GFRA2: variants seen among roughly 807,000 people sequenced by gnomAD.
The protein encoded by GFRA2 is GDNF family receptor alpha-2.
A neutral mutation model predicts 48.3 loss-of-function variants in GFRA2; 17 were observed. The observed-to-expected ratio is 0.35, with a 90% CI of 0.24 to 0.53. The LOEUF is 0.53. GFRA2 is among the 20% of genes least tolerant of loss of function. The pLI is 0.93. For synonymous variants in GFRA2, 305 were observed against 257.2 expected (o/e 1.19, Z -1.78); for missense variants, 660 against 637.3 (o/e 1.04, Z -0.38).
chr8:21,702,486 G>A (rs1301059535), intron 7 of GFRA2, among the ~76,000 whole-genome samples: 1 of 152,176 alleles, frequency 6.6e-6, no homozygotes, highest in Non-Finnish European at 1.5e-5. Context: ...GCCCCACTCA[G>A]ACGGGTGCCT....
intron 1 of GFRA2, among the ~76,000 whole-genome samples, chr8:21,807,561 C>G (rs1031207581): frequency 6.6e-6 from 1 of 152,194 alleles, no homozygotes; most frequent in Non-Finnish European, 1.5e-5. Flanking sequence ...GTTCTGGAGG[C>G]TGGAATTCTG....
chr8:21,786,998 A>C (rs1175420613), intron 1 of GFRA2, among the ~76,000 whole-genome samples: 4 of 151,674 alleles, frequency 2.6e-5, no homozygotes, highest in Non-Finnish European at 5.9e-5. Context: ...ACACACTCAC[A>C]CACACACACA....
intron 4 of GFRA2, among the ~76,000 whole-genome samples, chr8:21,728,112 G>A (rs1427144139): frequency 6.6e-6 from 1 of 152,012 alleles, no homozygotes; most frequent in African/African-American, 2.4e-5. Flanking sequence ...ACACAGCACT[G>A]ATTCCAGGTA....
chr8:21,783,092 A>G (rs1162264343), intron 1 of GFRA2, 193 bp from the exon 2 acceptor site: 2 of 705,766 alleles, frequency 2.8e-6, no homozygotes, highest in East Asian at 2.7e-5. Context: ...TGGATGTAGG[A>G]GCAAGTTTTC....
intron 3 of GFRA2, among the ~76,000 whole-genome samples, chr8:21,766,543 C>T (rs1437841093): frequency 6.6e-6 from 1 of 151,644 alleles, no homozygotes; most frequent in African/African-American, 2.4e-5. Context: ...AGTCGCAGGA[C>T]GCCCCAAACA....
intron 1 of GFRA2, chr8:21,783,263 G>A (rs1013661234): frequency 4.1e-4 from 170 of 411,926 alleles, no homozygotes; most frequent in Non-Finnish European, 1.8e-4. Flanking sequence ...ATGGCTTGCT[G>A]GGGGGTGCAG....
chr8:21,774,154 C>A (rs1563260657), intron 3 of GFRA2, among the ~76,000 whole-genome samples: 1 of 151,872 alleles, frequency 6.6e-6, no homozygotes, highest in African/African-American at 2.4e-5. Flanking sequence ...GCTCACCCCC[C>A]ACCCCCACAG....
intron 4 of GFRA2, among the ~76,000 whole-genome samples, chr8:21,744,466 G>C (rs1196742923): frequency 6.6e-6 from 1 of 151,972 alleles, no homozygotes; most frequent in Non-Finnish European, 1.5e-5. Context: ...GGGCATTTCA[G>C]AGGACCGCTT....
At chr8:21,763,307 G>A (rs1017570771) in intron 3 of GFRA2, among the ~76,000 whole-genome samples, 1 of 152,094 alleles carries the variant, frequency 6.6e-6, no homozygotes, top group African/African-American at 2.4e-5. Context: ...GCTCATGGAT[G>A]GCTGGGGGCC....
In GFRA2 at chr8:21,750,425, T is replaced by C. The variant is rs1456703253; in HGVS notation, c.794+163A>G. On this transcript the variant is annotated intron_variant, in intron 4 of 8. Coordinates refer to ENST00000524240, the MANE Select transcript of GFRA2 (RefSeq NM_001495.5). The surrounding 1 kb of genome is among the most constrained non-coding windows in gnomAD (Gnocchi z 5.7). ...ATGAATGGATGAATGAAATGGAAAATTCATTTTGCACATGTCCAAGTCAGT... is the reference window on the plus strand; with the variant it reads ...ATGAATGGATGAATGAAATGGAAAACTCATTTTGCACATGTCCAAGTCAGT... Among the ~76,000 whole-genome samples the C allele has an allele frequency of 6.6e-6, 1 of 152,114 alleles. No individual in the cohort carries two copies. Among genetic ancestry groups the C allele is most frequent in the Non-Finnish European group, 1.5e-5 (1 of 68,000 alleles).
At chr8:21,759,530 G>GAAGGAAGGAAGA in intron 3 of GFRA2, among the ~76,000 whole-genome samples, 1 of 149,392 alleles carries the variant, frequency 6.7e-6, no homozygotes, top group Non-Finnish European at 1.5e-5. Context: ...AGGAAGGAAG[G>GAAGGAAGGAAGA]AAGGAAGGAA....
At chr8:21,748,687 A>C (rs149458850) in intron 4 of GFRA2, among the ~76,000 whole-genome samples, 110 of 152,296 alleles carry the variant, frequency 7.2e-4, no homozygotes, top group Non-Finnish European at 1.1e-3. Context: ...ACAGATAAAG[A>C]TAATATCACC....
In GFRA2 at chr8:21,780,030, T is replaced by C. The variant is rs375637842; in HGVS notation, c.355+2555A>G. On this transcript the variant is annotated intron_variant, in intron 2 of 8. Transcript: ENST00000524240. The stretch of plus-strand genomic sequence containing the variant: ...GCCATCACTACTGTCCGATGTTAGA[T>C]TTTAAACTGCTCGATCCTCTCCCAT... 2.4e-3 allele frequency among the ~76,000 whole-genome samples: 359 copies of C among 151,288 alleles called. 1 individual carries two copies. The highest frequency in any genetic ancestry group is 8.4e-3 in the African/African-American group (345 of 41,164).
At chr8:21,741,563 C>T (rs1475868425) in intron 4 of GFRA2, among the ~76,000 whole-genome samples, 9 of 152,176 alleles carry the variant, frequency 5.9e-5, no homozygotes, top group African/African-American at 2.2e-4. Context: ...ACACTGTATT[C>T]TCCAGGGGGT....
intron 4 of GFRA2, among the ~76,000 whole-genome samples, chr8:21,744,586 C>CAT (rs545980880): frequency 7.2e-4 from 104 of 144,698 alleles, no homozygotes; most frequent in South Asian, 3.0e-3. Context: ...CACACACACA[C>CAT]AATCTGAGCC....
At chr8:21,787,011 T>C (rs978344865) in intron 1 of GFRA2, among the ~76,000 whole-genome samples, 1 of 149,000 alleles carries the variant, frequency 6.7e-6, no homozygotes, top group Non-Finnish European at 1.5e-5. Context: ...CACACACACA[T>C]ACACAGTAGT....
At chr8:21,768,454 G>A (rs1376304575) in intron 3 of GFRA2, among the ~76,000 whole-genome samples, 8 of 152,118 alleles carry the variant, frequency 5.3e-5, no homozygotes, top group Admixed American at 5.2e-4. Context: ...GCCTCGGAAG[G>A]GGGTCCCTGA....
intron 3 of GFRA2, among the ~76,000 whole-genome samples, chr8:21,762,938 T>C (rs1444671851): frequency 6.6e-6 from 1 of 152,244 alleles, no homozygotes; most frequent in Non-Finnish European, 1.5e-5. Flanking sequence ...CATATTGATG[T>C]GATTAACCTA....
intron 4 of GFRA2, among the ~76,000 whole-genome samples, chr8:21,735,847 A>AG: frequency 6.6e-6 from 1 of 152,174 alleles, no homozygotes; most frequent in South Asian, 2.1e-4. Context: ...AAAAAAAAAA[A>AG]AAATTGTAGA....
Sources: allele counts gnomAD v4.1 joint callset (sites outside exome capture counted in the v4.1 genomes callset), GRCh38; gene constraint gnomAD v4.1.1; non-coding constraint Gnocchi (gnomAD v3.1); transcripts MANE v1.5; gene names NCBI Gene and HGNC (gene_info 2026-07-23, HGNC 2026-07-21).